XIRP2: variants seen among roughly 807,000 people sequenced by gnomAD.
The protein encoded by XIRP2 is xin actin binding repeat containing 2.
A neutral mutation model predicts 277.0 loss-of-function variants in XIRP2; 236 were observed. The ratio of observed to expected loss-of-function variants is 0.85; its 90% confidence interval spans 0.77 to 0.95. The LOEUF is 0.95. XIRP2 is among the 40% of genes least tolerant of loss of function. XIRP2 has a pLI of 0.00. For missense variants in XIRP2, 4,640 were observed against 4,157.5 expected (o/e 1.12, Z -3.19); for synonymous variants, 1,490 against 1,416.5 (o/e 1.05, Z -1.17).
chr2:167,025,896 AGGTGT>A (rs1176815326), intron 2 of XIRP2, among the ~76,000 whole-genome samples: 3 of 152,028 alleles, frequency 2.0e-5, no homozygotes, highest in African/African-American at 7.2e-5. Flanking sequence ...ATTTTGGAAT[AGGTGT>A]GGTGTGGTGC....
chr2:167,234,415 T>C (rs562285052), intron 5 of XIRP2, among the ~76,000 whole-genome samples: 1 of 150,608 alleles, frequency 6.6e-6, no homozygotes, highest in East Asian at 1.9e-4. Flanking sequence ...TATTTACATA[T>C]ATTGCATAGA....
At chr2:167,103,433 C>A (rs1429930) in intron 2 of XIRP2, among the ~76,000 whole-genome samples, 1 of 152,016 alleles carries the variant, frequency 6.6e-6, no homozygotes, top group East Asian at 1.9e-4. Flanking sequence ...TGCTCTTTGG[C>A]TTTGGCTTTT....
chr2:167,000,073 G>A lies in XIRP2; in HGVS notation c.408+96183G>A, dbSNP rs543873064. Reference sequence around the variant, plus strand: ...TGCAGAAAACCCAACCCTGATAATAGTGTAAAACAAATTGCCCACTGGGTT... The same window carrying A: ...TGCAGAAAACCCAACCCTGATAATAATGTAAAACAAATTGCCCACTGGGTT... On this transcript the variant is annotated intron_variant, in intron 2 of 10. Transcript: ENST00000409195. 5.9e-5 allele frequency among the ~76,000 whole-genome samples: 9 copies of A among 152,252 alleles called. No homozygotes were observed. In the South Asian group the frequency reaches 8.3e-4, roughly 14 times the overall value.
chr2:167,242,686 A>G lies in XIRP2; in HGVS notation c.1294A>G (p.Ser432Gly), dbSNP rs1695107555. The G allele has an allele frequency of 1.2e-6, 2 of 1,614,134 alleles. No individual in the cohort carries two copies. Among genetic ancestry groups the G allele is most frequent in the African/African-American group, 1.3e-5 (1 of 75,054 alleles). ...ATCAACTACAAGATATAGTGATCAC[A>G]GTGTCACTTCCTCAACTCTGGCACA... ...ETSTTRYSDH[S>G]VTSSTLAQIN... Residue 432 changes from serine to glycine, a missense_variant, in exon 9 of 11, where the codon AGT becomes GGT. Ser to Gly is a moderately conservative substitution (Grantham distance 56). Coordinates refer to ENST00000409195, the MANE Select transcript of XIRP2 (RefSeq NM_152381.6).
rs754384162 is a variant in XIRP2 at position 167,249,170 on chromosome 2, A to T, written c.7778A>T (p.Asn2593Ile). 3 of 1,613,752 alleles carry T rather than the reference A, an allele frequency of 1.9e-6. No homozygotes were observed. The South Asian group carries it at 3.3e-5, about 18-fold the overall frequency. ...AAGGAAATGCCATTACAAAAAACCA[A>T]TGAGGAGGTTTCCCTATCTGGAATT... ...VEKEMPLQKTNEEVSLSGIDS... is the reference protein window; with the variant it reads ...VEKEMPLQKTIEEVSLSGIDS... The change falls in exon 9 of 11, where the codon AAT becomes ATT. Residue 2593 changes from asparagine (N) to isoleucine (I), a missense_variant. By Grantham distance (149) the Asn-to-Ile change is moderately radical (BLOSUM62 -3). Coordinates refer to ENST00000409195, the MANE Select transcript of XIRP2 (RefSeq NM_152381.6).
intron 8 of XIRP2, 140 bp downstream of exon 8, chr2:167,242,050 AG>A: frequency 8.9e-7 from 1 of 1,119,316 alleles, no homozygotes; most frequent in Non-Finnish European, 1.2e-6. Flanking sequence ...TTCTGTAAGG[AG>A]AATATTGACC....
chr2:167,023,380 A>G lies in XIRP2; in HGVS notation c.409-112529A>G, dbSNP rs563655135. Among the ~76,000 whole-genome samples, 1,111 of 151,912 alleles carry G rather than the reference A, an allele frequency of 7.3e-3. 7 individuals carry two copies. The highest frequency in any genetic ancestry group is 9.3e-3 in the Non-Finnish European group (632 of 67,954). ...GCCCTTTGTCAGATGAGTAGGTTGCAAAAATTTTCTCCCATTTTGTAGGTT... is the reference window on the plus strand; with the variant it reads ...GCCCTTTGTCAGATGAGTAGGTTGCGAAAATTTTCTCCCATTTTGTAGGTT... On this transcript the variant is annotated intron_variant, in intron 2 of 10. Transcript: ENST00000409195.
chr2:167,204,623 A>C (rs979861326), intron 3 of XIRP2, among the ~76,000 whole-genome samples: 1 of 152,202 alleles, frequency 6.6e-6, no homozygotes, highest in Admixed American at 6.5e-5. Flanking sequence ...ATGGATTCAT[A>C]TTCTGACACA....
intron 2 of XIRP2, among the ~76,000 whole-genome samples, chr2:167,050,946 A>C (rs1016560272): frequency 1.3e-5 from 2 of 151,936 alleles, no homozygotes; most frequent in Non-Finnish European, 2.9e-5. Context: ...CTGGAATTCA[A>C]ACCTCCCTAA....
chr2:167,146,513 AAG>A (rs1386169715), intron 3 of XIRP2, among the ~76,000 whole-genome samples: 5 of 152,054 alleles, frequency 3.3e-5, no homozygotes, highest in African/African-American at 1.2e-4. Flanking sequence ...AAAAAAAAGA[AAG>A]AAAGAAAGAA....
At position 167,143,381 on chromosome 2, in the gene XIRP2, C is replaced by T. The variant is rs182036686; in HGVS notation, c.562+7319C>T. ...CTGATTTTTTAAAGTGTTTTTGAAG[C>T]ATGACTGGGAGTTGACCAAGAGGAG... On this transcript the variant is annotated intron_variant, in intron 3 of 10. Coordinates refer to ENST00000409195, the MANE Select transcript of XIRP2 (RefSeq NM_152381.6). Among the ~76,000 whole-genome samples, 31 of 152,090 alleles carry T rather than the reference C, an allele frequency of 2.0e-4. 1 individual carries two copies. The East Asian group carries it at 4.5e-3, about 22-fold the overall frequency.
At chr2:167,072,323 G>A (rs1401279394) in intron 2 of XIRP2, among the ~76,000 whole-genome samples, 1 of 152,022 alleles carries the variant, frequency 6.6e-6, no homozygotes, top group Non-Finnish European at 1.5e-5. Context: ...ATAATACCAA[G>A]CAAAAATTTT....
chr2:167,252,474 C>T (rs967231784), intron 9 of XIRP2, among the ~76,000 whole-genome samples: 1 of 151,940 alleles, frequency 6.6e-6, no homozygotes, highest in African/African-American at 2.4e-5. Context: ...ATATATTCAA[C>T]TATTGCTACT....
chr2:166,936,890 A>G (rs747640180), intron 2 of XIRP2, among the ~76,000 whole-genome samples: 1 of 152,166 alleles, frequency 6.6e-6, no homozygotes, highest in Non-Finnish European at 1.5e-5. Flanking sequence ...TGTCTTGGCA[A>G]TGTGGGCCCT....
chr2:167,187,503 CTT>C, intron 3 of XIRP2: 3 of 985,200 alleles, frequency 3.0e-6, no homozygotes, highest in Non-Finnish European at 3.6e-6. Context: ...TTTCCACAAA[CTT>C]GGGGTTAAAC....
At chr2:167,100,290 AT>A (rs1690453580) in intron 2 of XIRP2, among the ~76,000 whole-genome samples, 1 of 152,204 alleles carries the variant, frequency 6.6e-6, no homozygotes, top group South Asian at 2.1e-4. Flanking sequence ...TTAGTAAAAT[AT>A]TCTTTGAAAA....
chr2:167,105,327 T>G (rs1219296348), intron 2 of XIRP2, among the ~76,000 whole-genome samples: 2 of 151,974 alleles, frequency 1.3e-5, no homozygotes, highest in Non-Finnish European at 2.9e-5. Flanking sequence ...CACCACCACC[T>G]TTTTTACCTT....
At position 167,203,766 on chromosome 2, in the gene XIRP2, G is replaced by GTCAT. The variant is rs374739221; in HGVS notation, c.563-6969_563-6968insTCAT. Among the ~76,000 whole-genome samples the GTCAT allele has an allele frequency of 2.8e-3, 426 of 152,260 alleles. 1 individual carries two copies. Among genetic ancestry groups the GTCAT allele is most frequent in the African/African-American group, 8.7e-3 (361 of 41,548 alleles). On this transcript the variant is annotated intron_variant, in intron 3 of 10. Transcript: ENST00000409195. ...AGTAGCATTCTGAATGCTTAAAAGAGATGAATTTTATTATTAGCTGAGGGA... is the reference window on the plus strand; with the variant it reads ...AGTAGCATTCTGAATGCTTAAAAGAGTCATATGAATTTTATTATTAGCTGAGGGA...
chr2:167,066,098 G>T (rs1689297591), intron 2 of XIRP2, among the ~76,000 whole-genome samples: 1 of 151,580 alleles, frequency 6.6e-6, no homozygotes, highest in African/African-American at 2.4e-5. Flanking sequence ...CTTAACATGG[G>T]ATTTACCCTC....
Sources: gnomAD v4.1 joint callset for allele counts (sites outside exome capture counted in the v4.1 genomes callset) on GRCh38, gnomAD v4.1.1 for gene constraint, MANE v1.5 for transcripts, NCBI Gene and HGNC (gene_info 2026-07-23, HGNC 2026-07-21) for gene names.